RARB: variants seen among roughly 807,000 people sequenced by gnomAD.
RARB encodes retinoic acid receptor beta, also known as HBV-activated protein.
A neutral mutation model predicts 51.9 loss-of-function variants in RARB; 17 were observed. That is an observed-to-expected ratio of 0.33 (90% CI 0.22 to 0.49). The LOEUF (loss-of-function observed/expected upper bound fraction) is 0.49, where lower values mean the gene tolerates loss of function less well. Among genes scored for constraint, RARB ranks in the 20% least tolerant of loss-of-function variants. The pLI is 0.99. For synonymous variants in RARB, 215 were observed against 195.4 expected, an observed-to-expected ratio of 1.10 and a Z score of -0.84; for missense variants, 369 against 550.8, an observed-to-expected ratio of 0.67 and a Z score of 3.30.
intron 5 of RARB, among the ~76,000 whole-genome samples, chr3:25,372,816 ACT>A (rs1706341074): frequency 1.3e-5 from 2 of 152,154 alleles, no homozygotes; most frequent in African/African-American, 4.8e-5. Flanking sequence ...ACAGAGGAAG[ACT>A]CTATCTCCAA....
intron 2 of RARB, among the ~76,000 whole-genome samples, chr3:25,495,274 C>T (rs1696967643): frequency 6.6e-6 from 1 of 152,178 alleles, no homozygotes; most frequent in South Asian, 2.1e-4. Flanking sequence ...AACCCAATTC[C>T]ATATCAAAAT....
intron 1 of RARB, among the ~76,000 whole-genome samples, chr3:24,853,105 G>A (rs1702582950): frequency 6.6e-6 from 1 of 151,816 alleles, no homozygotes; most frequent in African/African-American, 2.4e-5. Flanking sequence ...ATGAGGTCGG[G>A]GGATTGAGAC....
At chr3:24,941,331 T>C (rs1695661567) in intron 2 of RARB, among the ~76,000 whole-genome samples, 1 of 152,046 alleles carries the variant, frequency 6.6e-6, no homozygotes, top group Admixed American at 6.6e-5. Flanking sequence ...TCTTAAATGA[T>C]ATTTTAATGC....
At chr3:24,865,691 C>T (rs372440577) in intron 2 of RARB, among the ~76,000 whole-genome samples, 38 of 152,216 alleles carry the variant, frequency 2.5e-4, no homozygotes, top group Admixed American at 1.2e-3. Flanking sequence ...TCTTGTACAA[C>T]TATAAAACCA....
intron 5 of RARB, among the ~76,000 whole-genome samples, chr3:25,226,050 G>A (rs539640006): frequency 8.5e-5 from 13 of 152,242 alleles, no homozygotes; most frequent in South Asian, 2.1e-4. Flanking sequence ...AAAGGCAACC[G>A]TAGCCTTTTT....
intron 1 of RARB, among the ~76,000 whole-genome samples, chr3:24,855,476 G>A (rs534017532): frequency 1.3e-5 from 2 of 152,282 alleles, no homozygotes; most frequent in African/African-American, 4.8e-5. Flanking sequence ...AGTATATGCT[G>A]TGATCTTTTT....
chr3:25,361,270 C>T (rs1705924581), intron 5 of RARB, among the ~76,000 whole-genome samples: 2 of 152,166 alleles, frequency 1.3e-5, no homozygotes, highest in South Asian at 4.1e-4. Context: ...TTTATCAATT[C>T]AGCTATTGAT....
intron 5 of RARB, among the ~76,000 whole-genome samples, chr3:25,285,436 A>G (rs67889340): frequency 0.21 from 31,587 of 152,118 alleles, 3,986 homozygotes; most frequent in South Asian, 0.31. Flanking sequence ...TGTAGGGCAC[A>G]TGACAATAGG....
chr3:24,945,217 A>G (rs1423905445), intron 2 of RARB, among the ~76,000 whole-genome samples: 1 of 152,176 alleles, frequency 6.6e-6, no homozygotes, highest in African/African-American at 2.4e-5. Context: ...AGAGTTTGCA[A>G]TTTCATATTT....
intron 2 of RARB, among the ~76,000 whole-genome samples, chr3:25,042,677 A>T (rs567086665): frequency 6.6e-6 from 1 of 152,218 alleles, no homozygotes; most frequent in Non-Finnish European, 1.5e-5. Flanking sequence ...TAACACACTT[A>T]TAACGATGTA....
chr3:25,215,243 C>T (rs1445211797), intron 5 of RARB, among the ~76,000 whole-genome samples: 2 of 152,034 alleles, frequency 1.3e-5, no homozygotes, highest in South Asian at 2.1e-4. Flanking sequence ...GGGTTGAGAA[C>T]CACAGACTAA....
intron 2 of RARB, among the ~76,000 whole-genome samples, chr3:24,991,069 G>A (rs760970577): frequency 6.6e-6 from 1 of 152,166 alleles, no homozygotes; most frequent in Non-Finnish European, 1.5e-5. Flanking sequence ...CTTGTAAACA[G>A]CAGCCTTCTT....
intron 2 of RARB, among the ~76,000 whole-genome samples, chr3:24,916,953 A>G (rs1446959572): frequency 1.3e-5 from 2 of 152,178 alleles, no homozygotes; most frequent in East Asian, 3.9e-4. Flanking sequence ...AACATAACAC[A>G]AACTGTACAC....
chr3:25,008,411 A>C (rs774075674), intron 2 of RARB, among the ~76,000 whole-genome samples: 15 of 152,168 alleles, frequency 9.9e-5, no homozygotes, highest in Non-Finnish European at 1.8e-4. Flanking sequence ...GGCTTCTGAA[A>C]TCCTAGCTGT....
intron 5 of RARB, among the ~76,000 whole-genome samples, chr3:25,292,023 A>G (rs73820409): frequency 6.6e-6 from 1 of 151,568 alleles, no homozygotes; most frequent in African/African-American, 2.4e-5. Context: ...ACATGTGAGA[A>G]GGGGGTAGTG....
intron 4 of RARB, among the ~76,000 whole-genome samples, chr3:25,155,911 T>G (rs1161025966): frequency 6.6e-6 from 1 of 152,208 alleles, no homozygotes; most frequent in Non-Finnish European, 1.5e-5. Context: ...TTTGCCTGTT[T>G]TCCTTAACTT....
intron 1 of RARB, among the ~76,000 whole-genome samples, chr3:25,447,608 AT>A (rs1709005799): frequency 6.6e-6 from 1 of 152,294 alleles, no homozygotes; most frequent in African/African-American, 2.4e-5. Context: ...TTGAACAGCA[AT>A]TGAAGGCTCT....
intron 5 of RARB, among the ~76,000 whole-genome samples, chr3:25,337,137 A>G (rs375282517): frequency 6.2e-4 from 94 of 152,302 alleles, no homozygotes; most frequent in Middle Eastern, 3.4e-3. Context: ...TAGAAGAGGC[A>G]GGAACAAGAA....
intron 5 of RARB, among the ~76,000 whole-genome samples, chr3:25,201,651 G>A (rs547236843): frequency 4.9e-4 from 75 of 152,162 alleles, no homozygotes; most frequent in Middle Eastern, 3.4e-3. Flanking sequence ...GCGTTGTTGA[G>A]TTTTGTCAAA....
Sources: gnomAD v4.1 joint callset for allele counts (sites outside exome capture counted in the v4.1 genomes callset) on GRCh38, gnomAD v4.1.1 for gene constraint, MANE v1.5 for transcripts, NCBI Gene and HGNC (gene_info 2026-07-23, HGNC 2026-07-21) for gene names.